ZNF346: variants seen among roughly 807,000 people sequenced by gnomAD.
ZNF346 encodes zinc finger protein 346, also known as double-stranded RNA-binding zinc finger protein JAZ.
A neutral mutation model predicts 33.7 loss-of-function variants in ZNF346; 23 were observed. The ratio of observed to expected loss-of-function variants is 0.68; its 90% CI spans 0.49 to 0.97. The LOEUF (loss-of-function observed/expected upper bound fraction) is 0.97, where lower values mean the gene tolerates loss of function less well. Among genes scored for constraint, ZNF346 ranks in the 50% least tolerant of loss-of-function variants. ZNF346 has a pLI of 0.00. For missense variants in ZNF346, 340 were observed against 371.1 expected, an observed-to-expected ratio of 0.92 and a Z score of 0.69; for synonymous variants, 134 against 142.4, an observed-to-expected ratio of 0.94 and a Z score of 0.42.
At chr5:177,025,596 A>G (rs1776648205) in intron 1 of ZNF346, among the ~76,000 whole-genome samples, 1 of 151,264 alleles carries the variant, frequency 6.6e-6, no homozygotes, top group African/African-American at 2.4e-5. Flanking sequence ...GTGGGCATGT[A>G]GTGATATCTC....
At chr5:177,053,003 G>C (rs1026324514) in intron 5 of ZNF346, 1 of 151,352 alleles carries the variant, frequency 6.6e-6, no homozygotes, top group Non-Finnish European at 1.5e-5. Flanking sequence ...TGAATTCCTT[G>C]TTTTTACCTT....
chr5:177,059,938 G>A (rs933154217), intron 5 of ZNF346, among the ~76,000 whole-genome samples: 1 of 152,178 alleles, frequency 6.6e-6, no homozygotes, highest in African/African-American at 2.4e-5. Flanking sequence ...AAGACTGTGG[G>A]CACATAAAAT....
intron 8 of ZNF346, among the ~76,000 whole-genome samples, chr5:177,074,067 C>CCACAGCA: frequency 6.6e-6 from 1 of 152,282 alleles, no homozygotes; most frequent in South Asian, 2.1e-4. Context: ...CCCAGACCCT[C>CCACAGCA]TAGCATAGCC....
At chr5:177,053,471 T>TG (rs1307009039) in intron 5 of ZNF346, among the ~76,000 whole-genome samples, 2 of 152,022 alleles carry the variant, frequency 1.3e-5, no homozygotes, top group African/African-American at 4.8e-5. Flanking sequence ...AAGTATGCAT[T>TG]TAAGTCTTGC....
chr5:177,026,352 A>ATT lies in ZNF346; in HGVS notation c.175+3463_175+3464dup, dbSNP rs59380094. On this transcript the variant is annotated intron_variant, in intron 1 of 6. Transcript: ENST00000358149. ...GGAGTTTGTGAAGGATGGATTGGTA[A>ATT]TTTTTTTTTTTTTTTTTTTTTTTTT... Among the ~76,000 whole-genome samples the ATT allele has an allele frequency of 8.3e-3, 849 of 101,848 alleles. 25 individuals carry two copies. The highest frequency in any genetic ancestry group is 0.029 in the African/African-American group (681 of 23,576). The allele number at this position is 101,848 out of a possible 152,430, so 66.8% of individuals were successfully genotyped here.
intron 5 of ZNF346, among the ~76,000 whole-genome samples, chr5:177,053,639 T>C (rs1039499442): frequency 6.6e-6 from 1 of 152,114 alleles, no homozygotes; most frequent in African/African-American, 2.4e-5. Context: ...GGGAAAAAAA[T>C]ATCGACCTTG....
chr5:177,061,118 A>T (rs538357464), intron 5 of ZNF346, among the ~76,000 whole-genome samples: 1 of 147,974 alleles, frequency 6.8e-6, no homozygotes, highest in South Asian at 2.1e-4. Context: ...TCAAAAAAAA[A>T]CAAGTTGCGG....
At chr5:177,029,579 T>C (rs55700967) in intron 1 of ZNF346, among the ~76,000 whole-genome samples, 7,379 of 152,226 alleles carry the variant, frequency 0.048, 292 homozygotes, top group Middle Eastern at 0.068. Context: ...AAGGCAACTC[T>C]TAGAGCAAGA....
chr5:177,044,358 T>C, intron 3 of ZNF346, 31 bp from the exon 4 acceptor site: 1 of 1,613,232 alleles, frequency 6.2e-7, no homozygotes, highest in African/African-American at 1.3e-5. Flanking sequence ...GGCAGTGGTA[T>C]GATCAGACCT....
intron 5 of ZNF346, chr5:177,052,728 C>G (rs1781128712): frequency 6.6e-6 from 1 of 152,160 alleles, no homozygotes; most frequent in South Asian, 2.1e-4. Flanking sequence ...GATACTGGTA[C>G]TAAGAAAAAC....
At chr5:177,071,960 A>G (rs1173619500), downstream of ZNF346, among the ~76,000 whole-genome samples, 1 of 152,212 alleles carries the variant, frequency 6.6e-6, no homozygotes, top group Non-Finnish European at 1.5e-5. Flanking sequence ...GTCTAGGAAT[A>G]TCAGAACGCA....
intron 5 of ZNF346, among the ~76,000 whole-genome samples, chr5:177,059,077 G>T (rs1324517387): frequency 6.6e-6 from 1 of 152,132 alleles, no homozygotes; most frequent in South Asian, 2.1e-4. Flanking sequence ...TGCTGGCTTC[G>T]TTCAAGGCCA....
chr5:177,028,212 T>C (rs1322392130), intron 1 of ZNF346, among the ~76,000 whole-genome samples: 2 of 150,608 alleles, frequency 1.3e-5, no homozygotes, highest in African/African-American at 2.4e-5. Flanking sequence ...AACTTTTTTG[T>C]ATTTTTAGTA....
intron 8 of ZNF346, among the ~76,000 whole-genome samples, chr5:177,073,763 C>G (rs1216334389): frequency 7.3e-6 from 1 of 136,882 alleles, no homozygotes; most frequent in Non-Finnish European, 1.5e-5. Flanking sequence ...CATTGCCTCC[C>G]TGTGCCTGTG....
intron 1 of ZNF346, among the ~76,000 whole-genome samples, chr5:177,026,970 G>A (rs564585373): frequency 3.9e-5 from 6 of 152,206 alleles, no homozygotes; most frequent in Non-Finnish European, 7.4e-5. Flanking sequence ...GCTCAAAAAG[G>A]GAGAATAGGA....
At chr5:177,039,152 A>C (rs2149622443) in intron 1 of ZNF346, among the ~76,000 whole-genome samples, 1 of 151,756 alleles carries the variant, frequency 6.6e-6, no homozygotes, top group African/African-American at 2.4e-5. Flanking sequence ...TGGCCTCCCA[A>C]AGTGCTAAGA....
At chr5:177,071,112 G>A (rs1783477653), downstream of ZNF346, among the ~76,000 whole-genome samples, 1 of 152,156 alleles carries the variant, frequency 6.6e-6, no homozygotes, top group Non-Finnish European at 1.5e-5. Context: ...GGATTCAGGA[G>A]CCCTAAGTGT....
intron 5 of ZNF346, among the ~76,000 whole-genome samples, chr5:177,058,981 C>T (rs1182009969): frequency 1.3e-5 from 2 of 152,198 alleles, no homozygotes; most frequent in African/African-American, 2.4e-5. Context: ...GTGATCCACC[C>T]GCCTCGCCCT....
At chr5:177,075,866 T>C (rs1291198624) in intron 8 of ZNF346, among the ~76,000 whole-genome samples, 1 of 152,046 alleles carries the variant, frequency 6.6e-6, no homozygotes, top group Non-Finnish European at 1.5e-5. Context: ...TTTGTACTTT[T>C]AATAGATACA....
Sources: allele counts gnomAD v4.1 joint callset (sites outside exome capture counted in the v4.1 genomes callset), GRCh38; gene constraint gnomAD v4.1.1; transcripts MANE v1.5; gene names NCBI Gene and HGNC (gene_info 2026-07-23, HGNC 2026-07-21).